BBS5: variants seen among roughly 807,000 people sequenced by gnomAD.
The protein encoded by BBS5 is BBSome complex member BBS5.
Under a neutral mutation model 50.2 loss-of-function variants are expected in BBS5, and 39 were observed. The observed-to-expected ratio is 0.78, with a 90% CI of 0.60 to 1.01. The LOEUF (loss-of-function observed/expected upper bound fraction) is 1.01, where lower values mean the gene tolerates loss of function less well. BBS5 is among the 50% of genes least tolerant of loss of function. BBS5 has a pLI of 0.00. For missense variants in BBS5, 356 were observed against 401.5 expected (o/e 0.89, Z 0.97); for synonymous variants, 134 against 133.1 (o/e 1.01, Z -0.05).
At chr2:169,488,533 C>T (rs1366670502) in intron 5 of BBS5, among the ~76,000 whole-genome samples, 1 of 152,232 alleles carries the variant, frequency 6.6e-6, no homozygotes, top group East Asian at 1.9e-4. Context: ...CTCAGCTTTG[C>T]TTGCTCACTC....
At chr2:169,500,953 G>A (rs916883747) in intron 9 of BBS5, among the ~76,000 whole-genome samples, 8 of 152,026 alleles carry the variant, frequency 5.3e-5, no homozygotes, top group African/African-American at 1.9e-4. Context: ...CTTTCCTTCT[G>A]ACCTTGACAT....
rs770566132 is a variant in BBS5 at position 169,479,504 on chromosome 2, A to C, written c.-50A>C. ...CGTTGCCTTGGAGCCAGAGAGACGC[A>C]GCTAGGCCTGCACGGCTGTGGAGAG... On this transcript the variant is annotated 5_prime_UTR_variant, in exon 1 of 12. Coordinates refer to ENST00000295240, the MANE Select transcript of BBS5 (RefSeq NM_152384.3). The C allele has an allele frequency of 8.7e-6, 14 of 1,605,796 alleles. No homozygotes were observed. Among genetic ancestry groups the C allele is most frequent in the Non-Finnish European group, 1.2e-5 (14 of 1,173,222 alleles).
intron 2 of BBS5, among the ~76,000 whole-genome samples, chr2:169,484,207 C>T (rs965952075): frequency 5.9e-5 from 9 of 152,116 alleles, no homozygotes; most frequent in African/African-American, 2.2e-4. Context: ...TATAACAAGA[C>T]CCTGTCTCTA....
chr2:169,500,440 G>A (rs114881463), intron 9 of BBS5, among the ~76,000 whole-genome samples: 3,416 of 152,216 alleles, frequency 0.022, 120 homozygotes, highest in African/African-American at 0.078. Flanking sequence ...CACTGCCATT[G>A]CCCTTGCTGT....
Position 169,497,677 on chromosome 2 carries a change from A to C in BBS5, c.669A>C (p.Glu223Asp), listed in dbSNP as rs961389550. Residue 223 changes from glutamate to aspartate, a missense_variant, in exon 8 of 12, where the codon GAA (glutamate) becomes GAC (aspartate). Transcript: ENST00000295240. ...DSKFGLALVI[E>D]SSQQSGGYVL... ...AATTTGGTTTAGCTCTTGTCATAGA[A>C]AGCTCTCAGCAGGTAAGATCTTGTA... The C allele has an allele frequency of 1.0e-5, 16 of 1,591,686 alleles. No homozygotes were observed. Among genetic ancestry groups the C allele is most frequent in the Non-Finnish European group, 1.3e-5 (15 of 1,160,058 alleles).
At position 169,492,921 on chromosome 2, in the gene BBS5, C is replaced by T. The variant is rs952513313; in HGVS notation, c.434C>T (p.Ala145Val). Residue 145 changes from alanine to valine, a missense_variant, in exon 6 of 12, where the codon GCA (alanine) becomes GTA (valine). Physicochemically the swap from Ala to Val is moderately conservative, Grantham distance 64. Transcript: ENST00000295240. ...TATCGTGATTTTAAATTAAGAAGTG[C>T]ACTAATTCAGAACAAGCAACTAAGA... Reference protein sequence around the residue: ...KMYRDFKLRSALIQNKQLRLL... With the variant: ...KMYRDFKLRSVLIQNKQLRLL... The T allele has an allele frequency of 1.9e-6, 3 of 1,612,238 alleles. No homozygotes were observed. The highest frequency in any genetic ancestry group is 2.5e-6 in the Non-Finnish European group (3 of 1,178,634).
At chr2:169,493,093 T>C in intron 6 of BBS5, 84 bp downstream of exon 6, 1 of 1,484,960 alleles carries the variant, frequency 6.7e-7, no homozygotes, top group Non-Finnish European at 9.4e-7. Flanking sequence ...ATATAGTCAA[T>C]TCTAATTGTT....
Position 169,504,462 on chromosome 2 carries a change from C to T in BBS5, c.925-19C>T. On this transcript the variant is annotated intron_variant, in intron 11 of 11. Transcript: ENST00000295240. ...CCCACCTTCTCTATTCCCATCTTAT[C>T]CTCCTGTCTCCCAAAAAGCAACAAG... 6.2e-7 allele frequency: 1 copy of T among 1,606,416 alleles called. No individual in the cohort carries two copies. Among genetic ancestry groups the T allele is most frequent in the Non-Finnish European group, 8.5e-7 (1 of 1,173,030 alleles).
At chr2:169,492,359 G>T (rs1001299976) in intron 5 of BBS5, among the ~76,000 whole-genome samples, 3 of 151,792 alleles carry the variant, frequency 2.0e-5, no homozygotes, top group Admixed American at 6.6e-5. Context: ...GCATGGTGTC[G>T]TGCGCCTATA....
chr2:169,504,361 A>T (rs756171020), intron 11 of BBS5, 35 bp downstream of exon 11: 1 of 1,608,020 alleles, frequency 6.2e-7, no homozygotes, highest in African/African-American at 1.3e-5. Context: ...GTATATGAAA[A>T]AAGTTTCTAA....
At chr2:169,489,104 G>A (rs1337519395) in intron 5 of BBS5, among the ~76,000 whole-genome samples, 2 of 151,992 alleles carry the variant, frequency 1.3e-5, no homozygotes, top group Admixed American at 1.3e-4. Flanking sequence ...TGATCTTCCT[G>A]TCCTAGCCTC....
intron 10 of BBS5, 67 bp from the exon 11 acceptor site, chr2:169,504,236 T>G (rs1353863106): frequency 7.3e-7 from 1 of 1,366,486 alleles, no homozygotes. Context: ...ATTAAGTTCC[T>G]TAGCCCACTG....
intron 2 of BBS5, 141 bp downstream of exon 2, chr2:169,482,474 C>G (rs1683414935): frequency 1.4e-6 from 1 of 713,772 alleles, no homozygotes; most frequent in African/African-American, 1.8e-5. Flanking sequence ...TAAGACTTTT[C>G]TCAGATTTAA....
Position 169,505,154 on chromosome 2 carries a change from G to T in BBS5, c.*572G>T, listed in dbSNP as rs1486813922. ...ATTTTTTTGGTGGAGACGGGGTTTCGCTGTGTTGGCCGGGCTGGTCTCCAG... is the reference window on the plus strand; with the variant it reads ...ATTTTTTTGGTGGAGACGGGGTTTCTCTGTGTTGGCCGGGCTGGTCTCCAG... On this transcript the variant is annotated 3_prime_UTR_variant, in exon 12 of 12. Transcript: ENST00000295240. The T allele has an allele frequency of 4.6e-6, 3 of 649,800 alleles. No individual in the cohort carries two copies. The highest frequency in any genetic ancestry group is 8.1e-6 in the Non-Finnish European group (3 of 368,492). The allele number at this position is 649,800 out of a possible 1,614,324, so 40.3% of individuals were successfully genotyped here.
chr2:169,505,147 G>A lies in BBS5; in HGVS notation c.*565G>A, dbSNP rs1683883889. On this transcript the variant is annotated 3_prime_UTR_variant, in exon 12 of 12. Transcript: ENST00000295240. ...TTTTCGTATTTTTTTGGTGGAGACGGGGTTTCGCTGTGTTGGCCGGGCTGG... is the reference window on the plus strand; with the variant it reads ...TTTTCGTATTTTTTTGGTGGAGACGAGGTTTCGCTGTGTTGGCCGGGCTGG... 1.5e-6 allele frequency: 1 copy of A among 679,706 alleles called. No homozygotes were observed. Among genetic ancestry groups the A allele is most frequent in the Admixed American group, 2.2e-5 (1 of 45,258 alleles). The allele number at this position is 679,706 out of a possible 1,614,324, so 42.1% of individuals were successfully genotyped here. A position where few individuals can be genotyped will look rare whatever the true frequency, so the allele number is the denominator to read the frequency against.
intron 9 of BBS5, among the ~76,000 whole-genome samples, chr2:169,500,319 G>T (rs570870351): frequency 6.6e-6 from 1 of 152,166 alleles, no homozygotes; most frequent in Non-Finnish European, 1.5e-5. Flanking sequence ...TGCTAGAGGC[G>T]CTAGCTCTGA....
At chr2:169,499,097 T>A (rs1247307428) in intron 8 of BBS5, 1 of 186,402 alleles carries the variant, frequency 5.4e-6, no homozygotes, top group Non-Finnish European at 1.1e-5. Context: ...CAAGAAAAAC[T>A]TAGTTCCCTT....
chr2:169,501,856 C>A (rs78129402), intron 9 of BBS5, among the ~76,000 whole-genome samples: 7,007 of 152,228 alleles, frequency 0.046, 188 homozygotes, highest in East Asian at 0.13. Context: ...AGTTGCCCTA[C>A]GCATTCTCTA....
intron 2 of BBS5, among the ~76,000 whole-genome samples, chr2:169,486,593 G>A (rs1449052775): frequency 1.3e-5 from 2 of 152,188 alleles, no homozygotes; most frequent in African/African-American, 2.4e-5. Flanking sequence ...GCAAAATTGT[G>A]TGTATAAATA....
Sources: allele counts gnomAD v4.1 joint callset (sites outside exome capture counted in the v4.1 genomes callset), GRCh38; gene constraint gnomAD v4.1.1; transcripts MANE v1.5; gene names NCBI Gene and HGNC (gene_info 2026-07-23, HGNC 2026-07-21).